NRL: variants seen among roughly 807,000 people sequenced by gnomAD.
NRL encodes neural retina-specific leucine zipper protein.
A neutral mutation model predicts 12.5 loss-of-function variants in NRL; 16 were observed. The observed-to-expected ratio is 1.28, with a 90% CI of 0.87 to 1.95. The LOEUF (loss-of-function observed/expected upper bound fraction) is 1.95. NRL is among the 30% of genes most tolerant of loss of function. The probability of loss-of-function intolerance (pLI) is 0.00; values close to 1 mark genes in which losing one functional copy is unlikely to be tolerated. For missense variants in NRL, 314 were observed against 325.8 expected (o/e 0.96, Z 0.28); for synonymous variants, 142 against 150.9 (o/e 0.94, Z 0.43).
rs1218542476 is a variant in NRL, at chr14:24,113,895, G to A, written c.-28+827C>T. Reference sequence around the variant, plus strand: ...CAAGGAAGTGCAGGCTGCAGGGAATGAAGTTCAGCTCGGACCCTGAGCCTC... The same window carrying A: ...CAAGGAAGTGCAGGCTGCAGGGAATAAAGTTCAGCTCGGACCCTGAGCCTC... On this transcript the variant is annotated intron_variant, in intron 1 of 2. Coordinates refer to ENST00000561028, the MANE Select transcript of NRL (RefSeq NM_001354768.3). Among the ~76,000 whole-genome samples the A allele has an allele frequency of 2.6e-5, 4 of 152,262 alleles. No individual in the cohort carries two copies. The East Asian group carries it at 7.7e-4, about 29-fold the overall frequency.
intron 1 of NRL, among the ~76,000 whole-genome samples, chr14:24,088,433 T>G (rs11623285): frequency 0.13 from 19,082 of 152,240 alleles, 1,285 homozygotes; most frequent in South Asian, 0.15. Flanking sequence ...CAAGATGGTG[T>G]CAGGGGTAGG....
chr14:24,103,147 A>T, intron 1 of NRL: 3 of 1,602,910 alleles, frequency 1.9e-6, no homozygotes, highest in Non-Finnish European at 2.6e-6. Flanking sequence ...GACTCTGTTC[A>T]TTGGTGATCT....
At chr14:24,103,028 G>A in intron 1 of NRL, 1 of 1,221,490 alleles carries the variant, frequency 8.2e-7, no homozygotes, top group Admixed American at 1.8e-5. Context: ...GCAAACTTGG[G>A]AGGAGGCAAA....
intron 1 of NRL, among the ~76,000 whole-genome samples, chr14:24,083,220 GC>G (rs2036374248): frequency 6.6e-6 from 1 of 152,188 alleles, no homozygotes; most frequent in South Asian, 2.1e-4. Context: ...ATCTCAAGAG[GC>G]ATCATTCCAT....
At chr14:24,093,105 C>G (rs1168731485) in intron 1 of NRL, 1 of 152,256 alleles carries the variant, frequency 6.6e-6, no homozygotes, top group East Asian at 1.9e-4. Flanking sequence ...AAGCCTACCC[C>G]CAAGAGGGGT....
chr14:24,090,164 A>G (rs2036574446), intron 1 of NRL, among the ~76,000 whole-genome samples: 1 of 151,296 alleles, frequency 6.6e-6, no homozygotes, highest in Non-Finnish European at 1.5e-5. Context: ...ATGAAATAAG[A>G]GTCAGATTAG....
intron 1 of NRL, chr14:24,095,065 C>T (rs2036803587): frequency 2.2e-6 from 1 of 455,796 alleles, no homozygotes; most frequent in Admixed American, 2.4e-5. Flanking sequence ...CCGTCCAGGC[C>T]TGGAGCCCCC....
chr14:24,110,238 T>A lies in NRL; in HGVS notation c.-28+4484A>T, dbSNP rs1308343598. 18 of 231,806 alleles carry A rather than the reference T, an allele frequency of 7.8e-5. 1 individual carries two copies. In the Admixed American group the frequency reaches 8.3e-4, roughly 11 times the overall value. The allele number at this position is 231,806 out of a possible 1,614,324, so 14.4% of individuals were successfully genotyped here. A position where few individuals can be genotyped will look rare whatever the true frequency, so the allele number is the denominator to read the frequency against. ...CTCAGGTGATCCTTCCACCTCAGCA[T>A]CCTGGGTAGCCAAGACTACAGGCCC... On this transcript the variant is annotated intron_variant, in intron 1 of 2. Transcript: ENST00000561028.
intron 1 of NRL, chr14:24,114,369 C>A (rs2037486195): frequency 6.6e-6 from 1 of 152,348 alleles, no homozygotes; most frequent in Non-Finnish European, 1.5e-5. Flanking sequence ...ACGCTGGGCA[C>A]CCCTTAGGGC....
intron 1 of NRL, chr14:24,103,950 G>A (rs1349064294): frequency 1.2e-6 from 2 of 1,613,558 alleles, no homozygotes; most frequent in Non-Finnish European, 1.7e-6. Context: ...GGAGAGACGT[G>A]TGCACAAAAT....
In NRL at chr14:24,105,042, C is replaced by A. The variant is rs577507980; in HGVS notation, c.-28+9680G>T. ...GTCTCACAGCCTTCAGAGCTGACAGCCTCGAACAGAGATTTACCCACGTGT... is the reference window on the plus strand; with the variant it reads ...GTCTCACAGCCTTCAGAGCTGACAGACTCGAACAGAGATTTACCCACGTGT... On this transcript the variant is annotated intron_variant, in intron 1 of 2. Coordinates refer to ENST00000561028, the MANE Select transcript of NRL (RefSeq NM_001354768.3). Among the ~76,000 whole-genome samples the A allele has an allele frequency of 2.0e-5, 3 of 152,288 alleles. No homozygotes were observed. In the South Asian group the frequency reaches 6.2e-4, roughly 32 times the overall value.
rs1044915640 is a variant in NRL at position 24,082,884 on chromosome 14, A to T, written c.-27-9T>A. ...GGCTGGGAGGAGTGCACCTGCAAAG[A>T]GGAGGAGAGGTCTGGAGCACATGGA... is the stretch of plus-strand genomic sequence containing the variant. On this transcript the variant is annotated splice_polypyrimidine_tract_variant and intron_variant, in intron 1 of 2. Coordinates refer to ENST00000561028, the MANE Select transcript of NRL (RefSeq NM_001354768.3). The T allele has an allele frequency of 1.9e-6, 3 of 1,594,620 alleles. No homozygotes were observed. In the African/African-American group the frequency reaches 4.0e-5, roughly 21 times the overall value.
rs554283773 is a variant in NRL, at chr14:24,080,120, C to A, written c.*1116G>T. ...CTGAAGCAGGGATAAAGAATGAACA[C>A]TTCTTAAATTGCAAGAACATTTAGC... is the stretch of plus-strand genomic sequence containing the variant. On this transcript the variant is annotated 3_prime_UTR_variant, in exon 3 of 3. Coordinates refer to ENST00000561028, the MANE Select transcript of NRL (RefSeq NM_001354768.3). The A allele has an allele frequency of 6.6e-6, 1 of 152,358 alleles. No individual in the cohort carries two copies. Among genetic ancestry groups the A allele is most frequent in the East Asian group, 1.9e-4 (1 of 5,180 alleles). The allele number at this position is 152,358 out of a possible 1,614,324, so 9.4% of individuals were successfully genotyped here. A position where few individuals can be genotyped will look rare whatever the true frequency, so the allele number is the denominator to read the frequency against.
In NRL at chr14:24,081,970, A is replaced by C; in HGVS notation, c.382-402T>G. ...CTGTCCTGAAGCCTGCAACCCGGTG[A>C]CCCTCACAGGATTTGGATTACATCC... On this transcript the variant is annotated intron_variant, in intron 2 of 2. Transcript: ENST00000561028. The surrounding 1 kb of genome is among the most constrained non-coding windows in gnomAD (Gnocchi z 4.4). The C allele has an allele frequency of 8.2e-7, 1 of 1,218,870 alleles. No individual in the cohort carries two copies. Among genetic ancestry groups the C allele is most frequent in the South Asian group, 1.7e-5 (1 of 60,138 alleles). The allele number at this position is 1,218,870 out of a possible 1,614,324, so 75.5% of individuals were successfully genotyped here.
chr14:24,081,364 C>CG lies in NRL; in HGVS notation c.585dup (p.Ala196ArgfsTer25). 1 of 1,441,682 alleles carries CG rather than the reference C, an allele frequency of 6.9e-7. No individual in the cohort carries two copies. Among genetic ancestry groups the CG allele is most frequent in the Non-Finnish European group, 9.1e-7 (1 of 1,098,774 alleles). The allele number at this position is 1,441,682 out of a possible 1,614,324, so 89.3% of individuals were successfully genotyped here. A position where few individuals can be genotyped will look rare whatever the true frequency, so the allele number is the denominator to read the frequency against. On this transcript the variant is annotated frameshift_variant, in exon 3 of 3. Coordinates refer to ENST00000561028, the MANE Select transcript of NRL (RefSeq NM_001354768.3). LOFTEE classifies it high-confidence loss of function. The surrounding 1 kb of genome is among the most constrained non-coding windows in gnomAD (Gnocchi z 4.4). ...TCGGCCCGCAGCGCGTCCAGCTGGG[C>CG]GGCCAGGCGGGCGCGCTCGGCCTCC... is the stretch of plus-strand genomic sequence containing the variant.
chr14:24,096,684 G>A (rs2036899755), intron 1 of NRL, among the ~76,000 whole-genome samples: 1 of 152,124 alleles, frequency 6.6e-6, no homozygotes, highest in South Asian at 2.1e-4. Flanking sequence ...CCCTCGCTGA[G>A]CAGGAGACAC....
chr14:24,103,719 C>A, intron 1 of NRL: 1 of 1,614,136 alleles, frequency 6.2e-7, no homozygotes, highest in South Asian at 1.1e-5. Context: ...CTGGATCTGC[C>A]GGCGGTTAGA....
intron 1 of NRL, among the ~76,000 whole-genome samples, chr14:24,104,640 C>CAAAA (rs375795839): frequency 3.8e-5 from 4 of 106,112 alleles, no homozygotes; most frequent in Admixed American, 1.0e-4. Context: ...AACTCCGTCA[C>CAAAA]AAAAAAAAAA....
At chr14:24,098,689 G>C (rs2037014147) in intron 1 of NRL, 1 of 1,610,820 alleles carries the variant, frequency 6.2e-7, no homozygotes, top group Non-Finnish European at 8.5e-7. Context: ...GTAAGCACCT[G>C]CTCTGCCCCA....
Sources: gnomAD v4.1 joint callset for allele counts (sites outside exome capture counted in the v4.1 genomes callset) on GRCh38, gnomAD v4.1.1 for gene constraint, Gnocchi (gnomAD v3.1) non-coding constraint, MANE v1.5 for transcripts, NCBI Gene and HGNC (gene_info 2026-07-23, HGNC 2026-07-21) for gene names.